The following MKLN1 variants were observed in gnomAD, a reference collection of about 807,000 sequenced individuals.
The protein encoded by MKLN1 is muskelin.
Under a neutral mutation model 99.0 loss-of-function variants are expected in MKLN1, and 18 were observed. The ratio of observed to expected loss-of-function variants is 0.18; its 90% confidence interval spans 0.13 to 0.27. The LOEUF (loss-of-function observed/expected upper bound fraction) is 0.27, where lower values mean the gene tolerates loss of function less well. MKLN1 is among the 10% of genes least tolerant of loss of function. The pLI is 1.00. For synonymous variants in MKLN1, 288 were observed against 293.2 expected (o/e 0.98, Z 0.18); for missense variants, 621 against 875.9 (o/e 0.71, Z 3.67).
At chr7:131,191,642 T>G (rs1470927065) in intron 2 of MKLN1, among the ~76,000 whole-genome samples, 3 of 152,174 alleles carry the variant, frequency 2.0e-5, no homozygotes, top group Non-Finnish European at 2.9e-5. Context: ...GATAAAAATC[T>G]GTGGCATCTT....
chr7:131,372,268 TGTAGTC>T (rs1223544040), intron 1 of MKLN1, among the ~76,000 whole-genome samples: 1 of 152,100 alleles, frequency 6.6e-6, no homozygotes. Flanking sequence ...TTAATTGTCC[TGTAGTC>T]TTTTCAAACT....
chr7:131,147,130 C>T (rs984909065), intron 2 of MKLN1, among the ~76,000 whole-genome samples: 20 of 152,084 alleles, frequency 1.3e-4, no homozygotes, highest in African/African-American at 4.8e-4. Flanking sequence ...ACAGTCTCAG[C>T]AACCTTCATC....
intron 3 of MKLN1, among the ~76,000 whole-genome samples, chr7:131,299,920 A>G (rs533815324): frequency 1.3e-4 from 20 of 152,336 alleles, no homozygotes; most frequent in African/African-American, 4.6e-4. Context: ...CAAAGTCAAT[A>G]TACTAGAGCG....
At chr7:131,375,246 A>T (rs887610242) in intron 1 of MKLN1, among the ~76,000 whole-genome samples, 178 bp from the exon 2 acceptor site, 4 of 152,128 alleles carry the variant, frequency 2.6e-5, no homozygotes, top group African/African-American at 4.8e-5. Context: ...CCTTTGTCAT[A>T]TTTTAAAATC....
chr7:131,253,858 C>T (rs1477168172), intron 3 of MKLN1, among the ~76,000 whole-genome samples: 1 of 152,214 alleles, frequency 6.6e-6, no homozygotes, highest in East Asian at 1.9e-4. Flanking sequence ...ATGTGCGCAA[C>T]AAGCTAAACT....
intron 1 of MKLN1, among the ~76,000 whole-genome samples, chr7:131,329,057 CAAATT>C (rs777880153): frequency 6.6e-6 from 1 of 152,108 alleles, no homozygotes; most frequent in Non-Finnish European, 1.5e-5. Context: ...ATGAACGAAA[CAAATT>C]AATGAATAAT....
At chr7:131,418,388 A>G (rs1795087767) in intron 8 of MKLN1, among the ~76,000 whole-genome samples, 1 of 151,894 alleles carries the variant, frequency 6.6e-6, no homozygotes, top group African/African-American at 2.4e-5. Context: ...AAAAAAAAAA[A>G]AAAAGAGAGA....
chr7:131,399,802 T>A (rs1794478021), intron 6 of MKLN1, among the ~76,000 whole-genome samples: 1 of 152,120 alleles, frequency 6.6e-6, no homozygotes, highest in Non-Finnish European at 1.5e-5. Context: ...ATAAAAAATG[T>A]TATTAGTAAA....
intron 2 of MKLN1, among the ~76,000 whole-genome samples, chr7:131,201,171 C>G (rs1008338227): frequency 3.3e-5 from 5 of 152,112 alleles, no homozygotes; most frequent in Non-Finnish European, 2.9e-5. Flanking sequence ...AGGCACCCAC[C>G]ACCACACCTG....
chr7:131,333,228 A>G (rs1799131680), intron 1 of MKLN1, among the ~76,000 whole-genome samples: 1 of 150,968 alleles, frequency 6.6e-6, no homozygotes, highest in Non-Finnish European at 1.5e-5. Context: ...CCAGCCAACC[A>G]TGCCTGGCTA....
chr7:131,487,615 G>T lies in MKLN1; in HGVS notation c.2095G>T (p.Asp699Tyr). 1 of 1,611,856 alleles carries T rather than the reference G, an allele frequency of 6.2e-7. No homozygotes were observed. Among genetic ancestry groups the T allele is most frequent in the Non-Finnish European group, 8.5e-7 (1 of 1,178,954 alleles). ...GSDFTALGFS[D>Y]VDHTYAQRTQ... is the part of the protein sequence containing the mutation. ...TGTATCTTCTTCACCAGGCTTTTCT[G>T]ATGTGGATCACACCTATGCTCAAAG... The change falls in exon 18 of 18, where the codon GAT (aspartate) becomes TAT (tyrosine). Residue 699 changes from aspartate (D) to tyrosine (Y), a missense_variant. Asp to Tyr is a radical substitution (Grantham distance 160, BLOSUM62 -3). Transcript: ENST00000352689. This position sits in a 1 kb window ranked among gnomAD's most constrained non-coding sequence, Gnocchi z 4.7.
intron 2 of MKLN1, chr7:131,143,051 G>C: frequency 1.5e-6 from 1 of 666,370 alleles, no homozygotes; most frequent in South Asian, 1.6e-5. Context: ...CAGAAGATGT[G>C]ACTGGAGTCC....
At chr7:131,451,763 A>G (rs528071511) in intron 12 of MKLN1, among the ~76,000 whole-genome samples, 1 of 152,334 alleles carries the variant, frequency 6.6e-6, no homozygotes, top group Non-Finnish European at 1.5e-5. Context: ...TTTGGCAAGT[A>G]AGACTGTGAA....
chr7:131,230,352 T>C (rs1797223413), intron 3 of MKLN1, among the ~76,000 whole-genome samples: 1 of 152,082 alleles, frequency 6.6e-6, no homozygotes, highest in Admixed American at 6.6e-5. Context: ...AGGGGGTCTG[T>C]TTAGTTGGAG....
chr7:131,395,749 A>G lies in MKLN1; in HGVS notation c.401-1518A>G, dbSNP rs566984369. On this transcript the variant is annotated intron_variant, in intron 4 of 17. Coordinates refer to ENST00000352689, the MANE Select transcript of MKLN1 (RefSeq NM_013255.5). ...AAAAAAGTAGTTTTGACTACGTGGG[A>G]CCTCTGGAAAGACCATTGGGATTTT... 4.6e-5 allele frequency among the ~76,000 whole-genome samples: 7 copies of G among 151,546 alleles called. No individual in the cohort carries two copies. In the South Asian group the frequency reaches 1.5e-3, roughly 32 times the overall value.
At chr7:131,442,655 G>A (rs1021873190) in intron 10 of MKLN1, among the ~76,000 whole-genome samples, 1 of 152,180 alleles carries the variant, frequency 6.6e-6, no homozygotes, top group African/African-American at 2.4e-5. Flanking sequence ...TTTTATTTTA[G>A]CAAAACATAG....
intron 3 of MKLN1, among the ~76,000 whole-genome samples, chr7:131,274,392 C>T (rs1797930238): frequency 6.6e-6 from 1 of 151,984 alleles, no homozygotes; most frequent in African/African-American, 2.4e-5. Flanking sequence ...CCTGTAATCC[C>T]AGCACTTTGG....
At chr7:131,416,350 T>A (rs1021487489) in intron 8 of MKLN1, among the ~76,000 whole-genome samples, 12 of 152,040 alleles carry the variant, frequency 7.9e-5, no homozygotes, top group Non-Finnish European at 1.3e-4. Flanking sequence ...GACAAAAAAA[T>A]TTTCCTCTTT....
rs112032974 is a variant in MKLN1, at chr7:131,425,552, T to G, written c.848-3481T>G. 3.5e-3 allele frequency among the ~76,000 whole-genome samples: 533 copies of G among 152,382 alleles called. 2 individuals are homozygous for G. The highest frequency in any genetic ancestry group is 0.012 in the African/African-American group (507 of 41,594). ...ACTGGGGACTATGTCTTCTTTCTTT[T>G]GAATTCTCTAAAGTGCTTTGCGAAT... is the stretch of plus-strand genomic sequence containing the variant. On this transcript the variant is annotated intron_variant, in intron 8 of 17. Coordinates refer to ENST00000352689, the MANE Select transcript of MKLN1 (RefSeq NM_013255.5).
Sources: gnomAD v4.1 joint callset for allele counts (sites outside exome capture counted in the v4.1 genomes callset) on GRCh38, gnomAD v4.1.1 for gene constraint, Gnocchi (gnomAD v3.1) non-coding constraint, MANE v1.5 for transcripts, NCBI Gene and HGNC (gene_info 2026-07-23, HGNC 2026-07-21) for gene names.